Variants in CDH12 observed in about 807,000 individuals in gnomAD.
The protein encoded by CDH12 is cadherin-12.
In CDH12, 41 loss-of-function variants were observed where a neutral mutation model predicts 74.1. That is an observed-to-expected ratio of 0.55 (90% CI 0.43 to 0.72). The LOEUF is 0.72. Among genes scored for constraint, CDH12 ranks in the 30% least tolerant of loss-of-function variants. The pLI is 0.00. For synonymous variants in CDH12, 399 were observed against 355.0 expected (o/e 1.12, Z -1.39); for missense variants, 945 against 977.2 (o/e 0.97, Z 0.44).
chr5:22,393,536 A>C (rs1430756425), intron 3 of CDH12, among the ~76,000 whole-genome samples: 2 of 152,194 alleles, frequency 1.3e-5, no homozygotes, highest in Non-Finnish European at 2.9e-5. Context: ...AAAAATAGCT[A>C]CAACAAATAC....
At chr5:22,689,301 T>C (rs555584721) in intron 1 of CDH12, among the ~76,000 whole-genome samples, 2 of 152,252 alleles carry the variant, frequency 1.3e-5, no homozygotes, top group South Asian at 4.1e-4. Context: ...TGCACCAACA[T>C]TGTCATAATG....
chr5:21,884,547 C>T (rs945114019), intron 6 of CDH12, among the ~76,000 whole-genome samples: 16 of 152,300 alleles, frequency 1.1e-4, no homozygotes, highest in African/African-American at 3.6e-4. Flanking sequence ...AACATTTGTA[C>T]ATTCCTGATA....
chr5:22,087,858 A>T (rs1743170794), intron 4 of CDH12, among the ~76,000 whole-genome samples: 1 of 152,188 alleles, frequency 6.6e-6, no homozygotes, highest in East Asian at 1.9e-4. Context: ...ACAGGGATAG[A>T]TTTAAGAAAG....
At chr5:21,915,363 C>T (rs564672966) in intron 6 of CDH12, among the ~76,000 whole-genome samples, 8 of 151,904 alleles carry the variant, frequency 5.3e-5, no homozygotes, top group African/African-American at 9.7e-5. Flanking sequence ...ATTCAGGAAG[C>T]GAACTGCAAG....
intron 3 of CDH12, among the ~76,000 whole-genome samples, chr5:22,325,665 T>C (rs888897824): frequency 9.9e-5 from 15 of 152,070 alleles, no homozygotes; most frequent in African/African-American, 3.6e-4. Flanking sequence ...GGCGGGCGCA[T>C]CACAAGGTCA....
rs1580947645 is a variant in CDH12 at position 22,741,859 on chromosome 5, T to A, written c.-523+111199A>T. On this transcript the variant is annotated intron_variant, in intron 1 of 14. Coordinates refer to ENST00000382254, the MANE Select transcript of CDH12 (RefSeq NM_004061.5). ...TAAAGACCTCCATACAGAGAATTTC[T>A]TATGATGAACAAAATGCTTTAGAAA... Among the ~76,000 whole-genome samples the A allele has an allele frequency of 2.6e-5, 4 of 152,174 alleles. No individual in the cohort carries two copies. In the South Asian group the frequency reaches 8.3e-4, roughly 32 times the overall value.
chr5:22,760,604 G>A (rs1313007252), intron 1 of CDH12, among the ~76,000 whole-genome samples: 3 of 148,812 alleles, frequency 2.0e-5, no homozygotes, highest in African/African-American at 5.0e-5. Context: ...GTTTGAACCC[G>A]GGAGGCAAAT....
chr5:22,308,821 C>T (rs994388717), intron 3 of CDH12, among the ~76,000 whole-genome samples: 27 of 150,330 alleles, frequency 1.8e-4, no homozygotes, highest in East Asian at 1.2e-3. Flanking sequence ...CACACACACA[C>T]ACACACACAC....
chr5:22,282,225 C>T (rs1736920400), intron 3 of CDH12, among the ~76,000 whole-genome samples: 1 of 152,036 alleles, frequency 6.6e-6, no homozygotes, highest in Non-Finnish European at 1.5e-5. Context: ...TTTCTTAAAC[C>T]TTATAAAAAT....
chr5:22,023,636 CACTT>C (rs1304576223), intron 5 of CDH12, among the ~76,000 whole-genome samples: 1 of 151,836 alleles, frequency 6.6e-6, no homozygotes, highest in African/African-American at 2.4e-5. Flanking sequence ...ATCAACTAAA[CACTT>C]ATTACACAAG....
At chr5:21,769,975 C>A (rs1440237939) in intron 11 of CDH12, among the ~76,000 whole-genome samples, 1 of 152,168 alleles carries the variant, frequency 6.6e-6, no homozygotes, top group African/African-American at 2.4e-5. Flanking sequence ...GAATCCAGAT[C>A]TTCTCACAGT....
At chr5:22,543,678 A>G (rs1738197190) in intron 1 of CDH12, among the ~76,000 whole-genome samples, 1 of 152,180 alleles carries the variant, frequency 6.6e-6, no homozygotes, top group Non-Finnish European at 1.5e-5. Flanking sequence ...ACACTTCTAC[A>G]ATAAACTAGC....
chr5:21,933,515 TGGGA>T (rs1175311258), intron 6 of CDH12, among the ~76,000 whole-genome samples: 4 of 152,134 alleles, frequency 2.6e-5, no homozygotes, highest in Admixed American at 1.3e-4. Context: ...CATTGCAAAG[TGGGA>T]GGAAGGTTTA....
chr5:22,740,794 A>G (rs1744990745), intron 1 of CDH12, among the ~76,000 whole-genome samples: 1 of 152,130 alleles, frequency 6.6e-6, no homozygotes, highest in South Asian at 2.1e-4. Context: ...CTTGTATACT[A>G]CCATTCCATG....
chr5:22,115,045 T>C (rs1234263964), intron 4 of CDH12, among the ~76,000 whole-genome samples: 1 of 152,140 alleles, frequency 6.6e-6, no homozygotes, highest in Non-Finnish European at 1.5e-5. Flanking sequence ...TTGGTTTCAG[T>C]CAATAAATCC....
chr5:22,178,076 T>C (rs2150334991), intron 4 of CDH12, among the ~76,000 whole-genome samples: 1 of 152,300 alleles, frequency 6.6e-6, no homozygotes, highest in East Asian at 1.9e-4. Context: ...CCACACCGTG[T>C]TTCAGGAATA....
intron 5 of CDH12, among the ~76,000 whole-genome samples, chr5:22,072,487 G>A (rs1331029598): frequency 2.0e-5 from 3 of 151,530 alleles, no homozygotes; most frequent in Non-Finnish European, 2.9e-5. Context: ...TCTTTTGGAC[G>A]GAGTCATAGA....
chr5:22,436,586 G>A (rs1744404217), intron 2 of CDH12, among the ~76,000 whole-genome samples: 5 of 151,860 alleles, frequency 3.3e-5, no homozygotes, highest in Admixed American at 1.3e-4. Flanking sequence ...TTTCTCAACT[G>A]CAAATCCCCT....
intron 4 of CDH12, among the ~76,000 whole-genome samples, chr5:22,139,917 A>G (rs1746691224): frequency 1.3e-5 from 2 of 152,020 alleles, no homozygotes; most frequent in Non-Finnish European, 2.9e-5. Flanking sequence ...CTAAGCAATA[A>G]AACTATCTTG....
Sources: gnomAD v4.1 joint callset for allele counts (sites outside exome capture counted in the v4.1 genomes callset) on GRCh38, gnomAD v4.1.1 for gene constraint, MANE v1.5 for transcripts, NCBI Gene and HGNC (gene_info 2026-07-23, HGNC 2026-07-21) for gene names.